The following GALNT13 variants were observed in gnomAD, a reference collection of about 807,000 sequenced individuals.
The protein encoded by GALNT13 is UDP-GalNAc:polypeptide N-acetylgalactosaminyltransferase 13.
A neutral mutation model predicts 64.2 loss-of-function variants in GALNT13; 28 were observed. The ratio of observed to expected loss-of-function variants is 0.44; its 90% CI spans 0.32 to 0.60. GALNT13 has a LOEUF of 0.60. GALNT13 is among the 20% of genes least tolerant of loss of function. GALNT13 has a pLI of 0.05. For missense variants in GALNT13, 577 were observed against 669.8 expected (o/e 0.86, Z 1.53); for synonymous variants, 214 against 224.6 (o/e 0.95, Z 0.42).
At chr2:153,100,812 T>C in the GALNT13 span, among the ~76,000 whole-genome samples, 33,598 of 152,146 alleles carry the variant, frequency 0.22, 4,636 homozygotes, top group Non-Finnish European at 0.32. Context: ...GGAGATCTCT[T>C]GAGGCCAGGA....
chr2:153,934,741 A>G (rs568619872), intron 2 of GALNT13, among the ~76,000 whole-genome samples: 12 of 152,346 alleles, frequency 7.9e-5, no homozygotes, highest in Admixed American at 7.8e-4. Flanking sequence ...GGTGGGTTGC[A>G]TTACAGAAAA....
chr2:153,632,983 A>G, the GALNT13 span, among the ~76,000 whole-genome samples: 12 of 151,852 alleles, frequency 7.9e-5, no homozygotes, highest in African/African-American at 2.7e-4. Context: ...CTGGTCTCGA[A>G]CTCCTGACCT....
At chr2:153,400,281 C>T in the GALNT13 span, among the ~76,000 whole-genome samples, 1 of 151,832 alleles carries the variant, frequency 6.6e-6, no homozygotes, top group Admixed American at 6.6e-5. Context: ...AAGCCCACTT[C>T]ATCATGGTGG....
intron 3 of GALNT13, among the ~76,000 whole-genome samples, chr2:154,120,200 G>A (rs1681860448): frequency 6.6e-6 from 1 of 152,176 alleles, no homozygotes; most frequent in South Asian, 2.1e-4. Flanking sequence ...TGGCTTGGCT[G>A]CTACTTTAGC....
intron 4 of GALNT13, among the ~76,000 whole-genome samples, chr2:154,223,309 G>A (rs886748059): frequency 6.6e-6 from 1 of 152,056 alleles, no homozygotes; most frequent in Non-Finnish European, 1.5e-5. Flanking sequence ...AGAGATAGCA[G>A]TAACATATAA....
chr2:153,150,485 C>T, the GALNT13 span, among the ~76,000 whole-genome samples: 6 of 152,022 alleles, frequency 3.9e-5, no homozygotes, highest in South Asian at 2.1e-4. Flanking sequence ...TAATTAGATC[C>T]CATTTGTCAA....
chr2:154,132,202 C>A (rs1574564229), intron 3 of GALNT13, among the ~76,000 whole-genome samples: 1 of 152,118 alleles, frequency 6.6e-6, no homozygotes, highest in Non-Finnish European at 1.5e-5. Flanking sequence ...ATCAAGTTGA[C>A]ACTCAATATT....
At chr2:154,090,336 A>G (rs999285019) in intron 3 of GALNT13, among the ~76,000 whole-genome samples, 1 of 152,232 alleles carries the variant, frequency 6.6e-6, no homozygotes, top group Non-Finnish European at 1.5e-5. Flanking sequence ...TTTCTATTTT[A>G]TGAAATGCAG....
intron 11 of GALNT13, among the ~76,000 whole-genome samples, chr2:154,415,158 A>C (rs1488396921): frequency 6.6e-6 from 1 of 151,848 alleles, no homozygotes; most frequent in Non-Finnish European, 1.5e-5. Flanking sequence ...ACTCTAATAC[A>C]TAAAATATAT....
intron 3 of GALNT13, among the ~76,000 whole-genome samples, chr2:154,043,122 T>G (rs1217522466): frequency 2.0e-5 from 3 of 152,004 alleles, no homozygotes; most frequent in Non-Finnish European, 4.4e-5. Context: ...AGCAGTAGTC[T>G]TTGAAGAAAG....
At chr2:153,187,731 T>C in the GALNT13 span, among the ~76,000 whole-genome samples, 2 of 152,198 alleles carry the variant, frequency 1.3e-5, no homozygotes. Context: ...AAATCTACTC[T>C]TCTATTCCTT....
chr2:153,986,729 G>A (rs1340904308), intron 3 of GALNT13, among the ~76,000 whole-genome samples: 2 of 151,864 alleles, frequency 1.3e-5, no homozygotes, highest in African/African-American at 4.8e-5. Context: ...GGCTCAGAAT[G>A]CCTACGGAAA....
At chr2:153,334,795 G>A in the GALNT13 span, among the ~76,000 whole-genome samples, 1 of 152,050 alleles carries the variant, frequency 6.6e-6, no homozygotes, top group African/African-American at 2.4e-5. Context: ...TTTAAATACA[G>A]TGTTCATTTC....
chr2:154,229,813 A>G (rs958543556), intron 4 of GALNT13, among the ~76,000 whole-genome samples: 3 of 152,136 alleles, frequency 2.0e-5, no homozygotes, highest in African/African-American at 7.2e-5. Context: ...TTGAAAGGCA[A>G]CAGTGAAAGG....
At chr2:153,073,396 G>A in the GALNT13 span, among the ~76,000 whole-genome samples, 1 of 151,870 alleles carries the variant, frequency 6.6e-6, no homozygotes, top group Admixed American at 6.6e-5. Flanking sequence ...AGTTAATGGT[G>A]TAACAGAGGA....
intron 9 of GALNT13, among the ~76,000 whole-genome samples, chr2:154,302,517 A>G (rs1237386007): frequency 6.6e-6 from 1 of 152,202 alleles, no homozygotes; most frequent in Non-Finnish European, 1.5e-5. Context: ...TTTTGAAGGT[A>G]TATTTAAGTG....
the GALNT13 span, chr2:153,477,808 T>A: frequency 1.7e-3 from 293 of 173,228 alleles, no homozygotes; most frequent in African/African-American, 6.5e-3. Context: ...ACCCCATGAG[T>A]CTGCTGCGTG....
At chr2:153,678,151 A>G in the GALNT13 span, among the ~76,000 whole-genome samples, 7 of 112,196 alleles carry the variant, frequency 6.2e-5, no homozygotes, top group Non-Finnish European at 1.2e-4. Flanking sequence ...TGCATCCGAC[A>G]AATGAATATA....
At chr2:154,035,263 G>A (rs1453524789) in intron 3 of GALNT13, among the ~76,000 whole-genome samples, 1 of 152,014 alleles carries the variant, frequency 6.6e-6, no homozygotes. Context: ...TTATTAGTAA[G>A]CATTTTACAT....
Sources: gnomAD v4.1 joint callset for allele counts (sites outside exome capture counted in the v4.1 genomes callset) on GRCh38, gnomAD v4.1.1 for gene constraint, MANE v1.5 for transcripts, NCBI Gene and HGNC (gene_info 2026-07-23, HGNC 2026-07-21) for gene names.